CLOCK: variants seen among roughly 807,000 people sequenced by gnomAD.
The protein encoded by CLOCK is clock circadian regulator.
A neutral mutation model predicts 118.4 loss-of-function variants in CLOCK; 43 were observed. The observed-to-expected ratio is 0.36, with a 90% CI of 0.28 to 0.47. The LOEUF is 0.47. CLOCK is among the 20% of genes least tolerant of loss of function. CLOCK has a pLI of 1.00. For synonymous variants in CLOCK, 326 were observed against 339.2 expected (o/e 0.96, Z 0.43); for missense variants, 846 against 999.9 (o/e 0.85, Z 2.08).
chr4:55,538,383 G>A (rs186392390), intron 1 of CLOCK, among the ~76,000 whole-genome samples: 4 of 152,226 alleles, frequency 2.6e-5, no homozygotes, highest in African/African-American at 7.2e-5. Context: ...AAGAGAACTG[G>A]AGTCTATTAC....
intron 21 of CLOCK, among the ~76,000 whole-genome samples, chr4:55,440,018 AT>A (rs1429511573): frequency 1.3e-5 from 2 of 152,000 alleles, no homozygotes; most frequent in Non-Finnish European, 2.9e-5. Flanking sequence ...CACAATAAAA[AT>A]TTTTTTTAAT....
At chr4:55,484,635 G>A (rs1727165059) in intron 3 of CLOCK, among the ~76,000 whole-genome samples, 1 of 152,128 alleles carries the variant, frequency 6.6e-6, no homozygotes, top group Non-Finnish European at 1.5e-5. Context: ...GCAAATTTCA[G>A]TGAATTCAAA....
Position 55,432,644 on chromosome 4 carries a change from T to A in CLOCK, c.*2771A>T, listed in dbSNP as rs979504539. 6.7e-6 allele frequency: 1 copy of A among 149,364 alleles called. No homozygotes were observed. Among genetic ancestry groups the A allele is most frequent in the Non-Finnish European group, 1.5e-5 (1 of 67,306 alleles). 9.3% of individuals were successfully genotyped at this position (149,364 alleles called of 1,614,324 possible). ...GGGGCAGGGTGGGGGGCGGGATAGC[T>A]TTGCAACCCAAATTTAAGAGAATCA... On this transcript the variant is annotated 3_prime_UTR_variant, in exon 23 of 23. Coordinates refer to ENST00000513440, the MANE Select transcript of CLOCK (RefSeq NM_004898.4).
In CLOCK at chr4:55,430,479, C is replaced by G. The variant is rs559774300; in HGVS notation, c.*4936G>C. ...TTTGCTTAATTTCTTGTGAACTGTT[C>G]AACACTGTTTTAAATATCCTGAATA... On this transcript the variant is annotated 3_prime_UTR_variant, in exon 23 of 23. Transcript: ENST00000513440. 6.6e-6 allele frequency: 1 copy of G among 152,222 alleles called. No homozygotes were observed. The highest frequency in any genetic ancestry group is 1.5e-5 in the Non-Finnish European group (1 of 68,014). The allele number at this position is 152,222 out of a possible 1,614,324, so 9.4% of individuals were successfully genotyped here. A position where few individuals can be genotyped will look rare whatever the true frequency, so the allele number is the denominator to read the frequency against.
intron 2 of CLOCK, among the ~76,000 whole-genome samples, chr4:55,495,261 A>C (rs75216784): frequency 0.028 from 4,277 of 152,116 alleles, 215 homozygotes; most frequent in African/African-American, 0.098. Flanking sequence ...TCTGGAACTC[A>C]TGGTACACAT....
intron 7 of CLOCK, among the ~76,000 whole-genome samples, chr4:55,473,344 T>C (rs1281340440): frequency 6.6e-6 from 1 of 152,208 alleles, no homozygotes; most frequent in Non-Finnish European, 1.5e-5. Flanking sequence ...GTTTACTTCA[T>C]AAGAGTATTG....
intron 15 of CLOCK, 48 bp from the exon 16 acceptor site, chr4:55,450,280 G>A: frequency 6.2e-7 from 1 of 1,610,290 alleles, no homozygotes; most frequent in East Asian, 2.2e-5. Context: ...TCAGTTCAGA[G>A]ATCTCAAATT....
intron 6 of CLOCK, among the ~76,000 whole-genome samples, chr4:55,476,424 G>A (rs1006831080): frequency 2.0e-5 from 3 of 152,046 alleles, no homozygotes; most frequent in African/African-American, 7.2e-5. Flanking sequence ...CATTCAAATA[G>A]CAATGTCTAG....
chr4:55,459,274 A>G lies in CLOCK; in HGVS notation c.560-13T>C. 1 of 1,464,416 alleles carries G rather than the reference A, an allele frequency of 6.8e-7. No homozygotes were observed. Among genetic ancestry groups the G allele is most frequent in the Non-Finnish European group, 9.6e-7 (1 of 1,044,730 alleles). The allele number at this position is 1,464,416 out of a possible 1,614,324, so 90.7% of individuals were successfully genotyped here. The stretch of plus-strand genomic sequence containing the variant: ...AACTGATTTTTTGCTGAAATAAAAG[A>G]GATTTTAAAAATCACATATTTCTGA... On this transcript the variant is annotated splice_polypyrimidine_tract_variant and intron_variant, in intron 9 of 22. Coordinates refer to ENST00000513440, the MANE Select transcript of CLOCK (RefSeq NM_004898.4).
intron 1 of CLOCK, among the ~76,000 whole-genome samples, chr4:55,543,791 A>T (rs900376211): frequency 5.3e-5 from 8 of 152,264 alleles, no homozygotes; most frequent in African/African-American, 1.9e-4. Context: ...AAAAAAAAAA[A>T]TTGAAATGTA....
In CLOCK at chr4:55,528,874, C is replaced by G. The variant is rs572228586; in HGVS notation, c.-290+17908G>C. ...ATCTGTAGAGCCCATTTCTATATGG[C>G]AATTGGAAAGCTCCGAAGCCTAAAA... On this transcript the variant is annotated intron_variant, in intron 1 of 22. Coordinates refer to ENST00000513440, the MANE Select transcript of CLOCK (RefSeq NM_004898.4). 3.9e-5 allele frequency among the ~76,000 whole-genome samples: 6 copies of G among 152,286 alleles called. No individual in the cohort carries two copies. The South Asian group carries it at 1.2e-3, about 32-fold the overall frequency.
At chr4:55,510,297 C>A (rs950068885) in intron 1 of CLOCK, among the ~76,000 whole-genome samples, 4 of 152,076 alleles carry the variant, frequency 2.6e-5, no homozygotes, top group Non-Finnish European at 5.9e-5. Context: ...GAAAGCATAA[C>A]AGAGATACAA....
intron 1 of CLOCK, among the ~76,000 whole-genome samples, chr4:55,530,030 A>T (rs1431445974): frequency 1.3e-5 from 2 of 152,262 alleles, no homozygotes; most frequent in Non-Finnish European, 2.9e-5. Context: ...GCTAGTAAGT[A>T]TCCCAAAATG....
intron 2 of CLOCK, among the ~76,000 whole-genome samples, chr4:55,501,117 G>C (rs1456040561): frequency 6.6e-6 from 1 of 152,174 alleles, no homozygotes; most frequent in Non-Finnish European, 1.5e-5. Flanking sequence ...GCCTGCCAAA[G>C]TGTTTGGATT....
In CLOCK at chr4:55,433,783, A is replaced by G. The variant is rs1437236308; in HGVS notation, c.*1632T>C. On this transcript the variant is annotated 3_prime_UTR_variant, in exon 23 of 23. Coordinates refer to ENST00000513440, the MANE Select transcript of CLOCK (RefSeq NM_004898.4). ...TGTATTGGAATTTATTACTTTTAGA[A>G]TATGATATTGCCAAAGGAAATCTTA... The G allele has an allele frequency of 1.3e-5, 2 of 152,196 alleles. No homozygotes were observed. The highest frequency in any genetic ancestry group is 4.8e-5 in the African/African-American group (2 of 41,460). The allele number at this position is 152,196 out of a possible 1,614,324, so 9.4% of individuals were successfully genotyped here.
intron 11 of CLOCK, among the ~76,000 whole-genome samples, chr4:55,457,716 G>A (rs898725725): frequency 6.6e-6 from 1 of 152,084 alleles, no homozygotes; most frequent in Non-Finnish European, 1.5e-5. Flanking sequence ...ATTCCATCCT[G>A]CCTCTGTGTC....
chr4:55,461,555 C>A (rs1725347006), intron 9 of CLOCK, among the ~76,000 whole-genome samples: 1 of 152,144 alleles, frequency 6.6e-6, no homozygotes, highest in South Asian at 2.1e-4. Flanking sequence ...TTTAACTGAA[C>A]CCTAGGAATG....
intron 21 of CLOCK, among the ~76,000 whole-genome samples, chr4:55,439,416 GA>G (rs772094851): frequency 6.6e-5 from 10 of 152,120 alleles, no homozygotes; most frequent in Non-Finnish European, 1.3e-4. Context: ...GTGCTGGTGG[GA>G]ATGTAAAAAT....
At chr4:55,448,203 G>T (rs113697210) in intron 18 of CLOCK, among the ~76,000 whole-genome samples, 3 of 152,254 alleles carry the variant, frequency 2.0e-5, no homozygotes, top group African/African-American at 7.2e-5. Flanking sequence ...TGGTTTTTTA[G>T]TTCATATATT....
Sources: gnomAD v4.1 joint callset for allele counts (sites outside exome capture counted in the v4.1 genomes callset) on GRCh38, gnomAD v4.1.1 for gene constraint, MANE v1.5 for transcripts, NCBI Gene and HGNC (gene_info 2026-07-23, HGNC 2026-07-21) for gene names.